CXCR3: variants seen among roughly 807,000 people sequenced by gnomAD.
The protein encoded by CXCR3 is C-X-C chemokine receptor type 3.
For missense variants in CXCR3, 239 were observed against 310.2 expected, an observed-to-expected ratio of 0.77 and a Z score of 1.72; for synonymous variants, 136 against 148.0, an observed-to-expected ratio of 0.92 and a Z score of 0.59.
intron 1 of CXCR3, 26 bp downstream of exon 1, chrX:71,618,412 T>C (rs1425310165): frequency 8.3e-7 from 1 of 1,209,682 alleles, no homozygotes; most frequent in Non-Finnish European, 1.1e-6. Flanking sequence ...AATTCTGGCC[T>C]GGCCTGGCTG....
At chrX:71,618,307 C>A in intron 1 of CXCR3, 131 bp downstream of exon 1, 5 of 1,069,670 alleles carry the variant, frequency 4.7e-6, no homozygotes, top group Non-Finnish European at 6.4e-6. Context: ...TCTGCCACAA[C>A]CCATGCGGCC....
Position 71,616,278 on chromosome X carries a change from G to A in CXCR3, c.*87C>T. The A allele has an allele frequency of 9.2e-7, 1 of 1,092,368 alleles. No individual in the cohort carries two copies. The highest frequency in any genetic ancestry group is 1.2e-6 in the Non-Finnish European group (1 of 832,328). The allele number at this position is 1,092,368 out of a possible 1,213,427, so 90.0% of individuals were successfully genotyped here. A position where few individuals can be genotyped will look rare whatever the true frequency, so the allele number is the denominator to read the frequency against. On this transcript the variant is annotated 3_prime_UTR_variant, in exon 2 of 2. Transcript: ENST00000373693. ...GTGAGTCCCGGGAGCGAGGATATTG[G>A]GGAGAGCCAGAGCCGGCAGAGGGAG...
Position 71,617,204 on chromosome X carries a change from T to C in CXCR3, c.268A>G (p.Thr90Ala), listed in dbSNP as rs1172674530. 3.3e-6 allele frequency: 4 copies of C among 1,203,413 alleles called. No homozygotes were observed. The highest frequency in any genetic ancestry group is 4.5e-6 in the Non-Finnish European group (4 of 891,399). ...SRRTALSSTDTFLLHLAVADT... is the reference protein window; with the variant it reads ...SRRTALSSTDAFLLHLAVADT... The stretch of plus-strand genomic sequence containing the variant: ...GCTACAGCTAGGTGGAGCAGGAAGG[T>C]GTCGGTGCTGCTCAGGGCTGTCCGC... The change falls in exon 2 of 2, where the codon ACC becomes GCC. Residue 90 changes from threonine (T) to alanine (A), a missense_variant. Thr to Ala is a moderately conservative substitution (Grantham distance 58, BLOSUM62 0). Coordinates refer to ENST00000373693, the MANE Select transcript of CXCR3 (RefSeq NM_001504.2).
At chrX:71,617,741 C>T (rs1225729731) in intron 1 of CXCR3, 3 of 1,047,246 alleles carry the variant, frequency 2.9e-6, no homozygotes, top group Non-Finnish European at 3.7e-6. Flanking sequence ...GTGCCCAGAG[C>T]CCTCTCTGCC....
chrX:71,617,490 T>A lies in CXCR3; in HGVS notation c.13-31A>T, dbSNP rs184667338. ...AGGGCGGGAACGGGGAGGAAGGGGC[T>A]GTGTAAAGGCCTGGCAGGAACTCTT... On this transcript the variant is annotated intron_variant, in intron 1 of 1. Coordinates refer to ENST00000373693, the MANE Select transcript of CXCR3 (RefSeq NM_001504.2). The A allele has an allele frequency of 1.2e-3, 1,501 of 1,205,255 alleles. 19 individuals carry two copies. In the Admixed American group the frequency reaches 0.026, roughly 21 times the overall value.
In CXCR3 at chrX:71,616,303, G is replaced by T; in HGVS notation, c.*62C>A. 1 of 1,128,345 alleles carries T rather than the reference G, an allele frequency of 8.9e-7. No individual in the cohort carries two copies. The highest frequency in any genetic ancestry group is 3.1e-5 in the East Asian group (1 of 31,785). 93.0% of individuals were successfully genotyped at this position (1,128,345 alleles called of 1,213,427 possible). ...GGGAGAGCCAGAGCCGGCAGAGGGA[G>T]GGAGGAGCCTGGAATGCGGGGAAGT... On this transcript the variant is annotated 3_prime_UTR_variant, in exon 2 of 2. Transcript: ENST00000373693.
At chrX:71,618,386 CGG>C in intron 1 of CXCR3, 50 bp downstream of exon 1, 1 of 1,211,633 alleles carries the variant, frequency 8.3e-7, no homozygotes, top group Non-Finnish European at 1.1e-6. Context: ...CCTGATGCCC[CGG>C]GTTTTCCACT....
rs747669864 is a variant in CXCR3 at position 71,616,694 on chromosome X, C to G, written c.778G>C (p.Val260Leu). ...CAGCAGAGGGCAAAGGCCACCACGA[C>G]CACCACCACCAGCCGCATGGCCCGC... ...RLRAMRLVVV[V>L]VVAFALCWTP... The change falls in exon 2 of 2, where the codon GTC becomes CTC. Residue 260 changes from valine (V) to leucine (L), a missense_variant. By Grantham distance (32) the Val-to-Leu change is conservative. Transcript: ENST00000373693. The G allele has an allele frequency of 8.3e-7, 1 of 1,209,457 alleles. No homozygotes were observed. Among genetic ancestry groups the G allele is most frequent in the East Asian group, 3.0e-5 (1 of 33,767 alleles).
At position 71,617,845 on chromosome X, in the gene CXCR3, C is replaced by T. The variant is rs2040865483; in HGVS notation, c.13-386G>A. On this transcript the variant is annotated intron_variant, in intron 1 of 1. Transcript: ENST00000373693. ...ATAGTTCAACCACCTTCCTCCCCAG[C>T]GCCTCTCCACAATCCCCTTTTCCAG... 4 of 448,632 alleles carry T rather than the reference C, an allele frequency of 8.9e-6. No individual in the cohort carries two copies. In the Admixed American group the frequency reaches 1.6e-4, roughly 17 times the overall value. The allele number at this position is 448,632 out of a possible 1,213,427, so 37.0% of individuals were successfully genotyped here.
chrX:71,616,988 G>C lies in CXCR3; in HGVS notation c.484C>G (p.Arg162Gly). The change falls in exon 2 of 2, where the codon CGG (arginine) becomes GGG (glycine). Residue 162 changes from arginine to glycine, a missense_variant. Physicochemically the swap from Arg to Gly is moderately radical, Grantham distance 125. Coordinates refer to ENST00000373693, the MANE Select transcript of CXCR3 (RefSeq NM_001504.2). The stretch of plus-strand genomic sequence containing the variant: ...AGGGTCACGCGGGCCGGGGGCCCCC[G>C]GCGGTAGAGCTGGGTGGCATGAACT... ...NIVHATQLYR[R>G]GPPARVTLTC... 1 of 1,209,011 alleles carries C rather than the reference G, an allele frequency of 8.3e-7. No homozygotes were observed. The highest frequency in any genetic ancestry group is 3.0e-5 in the East Asian group (1 of 33,743).
Position 71,616,185 on chromosome X carries a change from A to G in CXCR3, c.*180T>C, listed in dbSNP as rs976602864. ...GGATGGGGCTTGGCAGCTAAGGAGCAGCAATGGTGCAGTCCTCAGAGCTGG... is the reference window on the plus strand; with the variant it reads ...GGATGGGGCTTGGCAGCTAAGGAGCGGCAATGGTGCAGTCCTCAGAGCTGG... On this transcript the variant is annotated 3_prime_UTR_variant, in exon 2 of 2. Transcript: ENST00000373693. 6 of 590,383 alleles carry G rather than the reference A, an allele frequency of 1.0e-5. No individual in the cohort carries two copies. The African/African-American group carries it at 1.4e-4, about 14-fold the overall frequency. The allele number at this position is 590,383 out of a possible 1,213,427, so 48.7% of individuals were successfully genotyped here.
chrX:71,617,368 T>G lies in CXCR3; in HGVS notation c.104A>C (p.Asp35Ala). The G allele has an allele frequency of 2.5e-6, 3 of 1,210,170 alleles. No individual in the cohort carries two copies. The highest frequency in any genetic ancestry group is 3.0e-5 in the East Asian group (1 of 33,746). ...SSYDYGENESDSCCTSPPCPQ... is the reference protein window; with the variant it reads ...SSYDYGENESASCCTSPPCPQ... Reference sequence around the variant, plus strand: ...GCAGGGCGGGGAGGTACAGCACGAGTCACTCTCGTTTTCTCCATAGTCATA... The same window carrying G: ...GCAGGGCGGGGAGGTACAGCACGAGGCACTCTCGTTTTCTCCATAGTCATA... Residue 35 changes from aspartate to alanine, a missense_variant, in exon 2 of 2, where the codon GAC (aspartate) becomes GCC (alanine). Physicochemically the swap from Asp to Ala is moderately radical, Grantham distance 126 (BLOSUM62 -2). Coordinates refer to ENST00000373693, the MANE Select transcript of CXCR3 (RefSeq NM_001504.2).
chrX:71,617,346 G>C lies in CXCR3; in HGVS notation c.126C>G (p.Pro42=). Residue 42 remains proline, a synonymous_variant, in exon 2 of 2, where the codon CCC becomes CCG. Transcript: ENST00000373693. ...AGTTCAGGCTGAAGTCCTGTGGGCA[G>C]GGCGGGGAGGTACAGCACGAGTCAC... is the stretch of plus-strand genomic sequence containing the variant. ...NESDSCCTSP[P]CPQDFSLNFD... The C allele has an allele frequency of 8.3e-7, 1 of 1,211,374 alleles. No individual in the cohort carries two copies. Among genetic ancestry groups the C allele is most frequent in the East Asian group, 3.0e-5 (1 of 33,809 alleles).
In CXCR3 at chrX:71,618,450, G is replaced by A. The variant is rs199789659; in HGVS notation, c.-1C>T. ...CAGCAGCACTTACCTCAAGGACCAT[G>A]GCTGGGCTGGTGCTCTGGCTGCTGG... On this transcript the variant is annotated 5_prime_UTR_variant, in exon 1 of 2. Transcript: ENST00000373693. The A allele has an allele frequency of 8.4e-7, 1 of 1,187,837 alleles. No homozygotes were observed. Among genetic ancestry groups the A allele is most frequent in the African/African-American group, 1.8e-5 (1 of 56,939 alleles).
rs1362499137 is a variant in CXCR3 at position 71,616,738 on chromosome X, G to A, written c.734C>T (p.Ser245Phe). The change falls in exon 2 of 2, where the codon TCC becomes TTC. Residue 245 changes from serine to phenylalanine, a missense_variant. By Grantham distance (155) the Ser-to-Phe change is radical. Coordinates refer to ENST00000373693, the MANE Select transcript of CXCR3 (RefSeq NM_001504.2). ...GGCCCGCAGGCGCCGCTGGCCCCTG[G>A]AAACCAGCAGCACGGCCAGGATGTG... is the stretch of plus-strand genomic sequence containing the variant. ...YAHILAVLLV[S>F]RGQRRLRAMR... The A allele has an allele frequency of 8.3e-7, 1 of 1,207,546 alleles. No individual in the cohort carries two copies. The highest frequency in any genetic ancestry group is 1.1e-6 in the Non-Finnish European group (1 of 893,286).
At position 71,616,723 on chromosome X, in the gene CXCR3, C is replaced by T. The variant is rs759360110; in HGVS notation, c.749G>A (p.Arg250His). The change falls in exon 2 of 2, where the codon CGC (arginine) becomes CAC (histidine). Residue 250 changes from arginine (R) to histidine (H), a missense_variant. Coordinates refer to ENST00000373693, the MANE Select transcript of CXCR3 (RefSeq NM_001504.2). ...AVLLVSRGQR[R>H]LRAMRLVVVV... ...CACCACCAGCCGCATGGCCCGCAGG[C>T]GCCGCTGGCCCCTGGAAACCAGCAG... The T allele has an allele frequency of 7.5e-6, 9 of 1,205,531 alleles. No homozygotes were observed. The East Asian group carries it at 1.5e-4, about 20-fold the overall frequency.
Position 71,616,138 on chromosome X carries a change from C to T in CXCR3, c.*227G>A. 2.5e-6 allele frequency: 1 copy of T among 408,063 alleles called. No homozygotes were observed. Among genetic ancestry groups the T allele is most frequent in the Non-Finnish European group, 4.0e-6 (1 of 247,230 alleles). 33.6% of individuals were successfully genotyped at this position (408,063 alleles called of 1,213,427 possible). A position where few individuals can be genotyped will look rare whatever the true frequency, so the allele number is the denominator to read the frequency against. On this transcript the variant is annotated 3_prime_UTR_variant, in exon 2 of 2. Transcript: ENST00000373693. ...CCAAATGAGAAGGGCAGTGGGGCTC[C>T]AGGCAGCCACCTCGGGCGGCAGGAT...
Position 71,616,178 on chromosome X carries a change from A to C in CXCR3, c.*187T>G. 1 of 552,609 alleles carries C rather than the reference A, an allele frequency of 1.8e-6. No individual in the cohort carries two copies. The highest frequency in any genetic ancestry group is 2.7e-6 in the Non-Finnish European group (1 of 375,452). 45.5% of individuals were successfully genotyped at this position (552,609 alleles called of 1,213,427 possible). A position where few individuals can be genotyped will look rare whatever the true frequency, so the allele number is the denominator to read the frequency against. On this transcript the variant is annotated 3_prime_UTR_variant, in exon 2 of 2. Transcript: ENST00000373693. Reference sequence around the variant, plus strand: ...GGCGGCAGGATGGGGCTTGGCAGCTAAGGAGCAGCAATGGTGCAGTCCTCA... The same window carrying C: ...GGCGGCAGGATGGGGCTTGGCAGCTCAGGAGCAGCAATGGTGCAGTCCTCA...
chrX:71,616,466 G>C lies in CXCR3; in HGVS notation c.1006C>G (p.Leu336Val). ...AGCCCTCTCTGGTTGGGGCAGCCCA[G>C]GCGCAAGAGCAGCATCCACATCCGC... ...RERMWMLLLR[L>V]GCPNQRGLQR... Residue 336 changes from leucine to valine, a missense_variant, in exon 2 of 2, where the codon CTG becomes GTG. Coordinates refer to ENST00000373693, the MANE Select transcript of CXCR3 (RefSeq NM_001504.2). 8.3e-7 allele frequency: 1 copy of C among 1,211,657 alleles called. No individual in the cohort carries two copies. The highest frequency in any genetic ancestry group is 1.1e-6 in the Non-Finnish European group (1 of 895,370).
Sources: gnomAD v4.1 joint callset for allele counts on GRCh38, gnomAD v4.1.1 for gene constraint, MANE v1.5 for transcripts, NCBI Gene and HGNC (gene_info 2026-07-23, HGNC 2026-07-21) for gene names.